The following BTRC variants were observed in gnomAD, a reference collection of about 807,000 sequenced individuals.
BTRC encodes F-box/WD repeat-containing protein 1A.
BTRC carries 42 observed loss-of-function variants against 85.5 expected under a neutral mutation model. That is an observed-to-expected ratio of 0.49 (90% CI 0.38 to 0.64). BTRC has a LOEUF of 0.64. BTRC is among the 30% of genes least tolerant of loss of function. The probability of loss-of-function intolerance (pLI) is 0.00; values close to 1 mark genes in which losing one functional copy is unlikely to be tolerated. For synonymous variants in BTRC, 255 were observed against 263.3 expected (o/e 0.97, Z 0.30); for missense variants, 594 against 743.5 (o/e 0.80, Z 2.34).
chr10:101,437,232 G>A (rs914021493), intron 2 of BTRC, among the ~76,000 whole-genome samples: 2 of 152,108 alleles, frequency 1.3e-5, no homozygotes, highest in Admixed American at 6.5e-5. Flanking sequence ...TTGTTTGTTT[G>A]TGCAGAAATG....
Position 101,531,342 on chromosome 10 carries a change from C to A in BTRC, c.840+9C>A, listed in dbSNP as rs1023233452. Reference sequence around the variant, plus strand: ...TTATACAAGACATTGAGGTAAGAATCTATGTATTTTGGGGTATTGCCCAAG... The same window carrying A: ...TTATACAAGACATTGAGGTAAGAATATATGTATTTTGGGGTATTGCCCAAG... On this transcript the variant is annotated intron_variant, in intron 7 of 14. Transcript: ENST00000370187. 2 of 1,574,994 alleles carry A rather than the reference C, an allele frequency of 1.3e-6. No individual in the cohort carries two copies. The highest frequency in any genetic ancestry group is 1.4e-5 in the African/African-American group (1 of 73,844).
At chr10:101,492,698 T>C (rs776593953) in intron 4 of BTRC, among the ~76,000 whole-genome samples, 1 of 152,210 alleles carries the variant, frequency 6.6e-6, no homozygotes, top group Non-Finnish European at 1.5e-5. Flanking sequence ...CAAGGTAGTT[T>C]CTGAAATGTA....
chr10:101,405,268 A>G (rs796422034), intron 1 of BTRC, among the ~76,000 whole-genome samples: 53 of 152,198 alleles, frequency 3.5e-4, no homozygotes, highest in African/African-American at 1.2e-3. Context: ...AAAAAAAGCA[A>G]TGAGGTTTTG....
In BTRC at chr10:101,494,942, A is replaced by G. The variant is rs556351616; in HGVS notation, c.324+15485A>G. ...TCAATGTTTTAAAGTGTCAGTGGTA[A>G]AGGGAGTTTACAAGCATAGGAAGAG... On this transcript the variant is annotated intron_variant, in intron 4 of 14. Coordinates refer to ENST00000370187, the MANE Select transcript of BTRC (RefSeq NM_033637.4). 8.5e-5 allele frequency among the ~76,000 whole-genome samples: 13 copies of G among 152,286 alleles called. No individual in the cohort carries two copies. In the South Asian group the frequency reaches 2.7e-3, roughly 32 times the overall value.
chr10:101,549,292 G>C (rs190468319), intron 13 of BTRC, among the ~76,000 whole-genome samples: 1 of 150,270 alleles, frequency 6.7e-6, no homozygotes, highest in African/African-American at 2.4e-5. Context: ...AAAGCCAGGT[G>C]TGGTGGCATG....
chr10:101,422,770 G>A (rs1944139482), intron 1 of BTRC, among the ~76,000 whole-genome samples: 1 of 152,172 alleles, frequency 6.6e-6, no homozygotes, highest in Non-Finnish European at 1.5e-5. Context: ...TCAAAGATCA[G>A]ATAGTTGTAG....
intron 1 of BTRC, among the ~76,000 whole-genome samples, chr10:101,389,894 A>C (rs1365624273): frequency 1.3e-5 from 2 of 152,092 alleles, no homozygotes; most frequent in Non-Finnish European, 1.5e-5. Context: ...CAAAGTGTTG[A>C]GATTATAGGT....
chr10:101,527,795 TACACACACACAC>T (rs5787437), intron 6 of BTRC, among the ~76,000 whole-genome samples: 9 of 145,326 alleles, frequency 6.2e-5, no homozygotes, highest in Admixed American at 5.5e-4. Context: ...CTCTCTCACA[TACACACACACAC>T]ACACACACAC....
At chr10:101,465,171 T>C (rs1291677516) in intron 3 of BTRC, among the ~76,000 whole-genome samples, 3 of 152,230 alleles carry the variant, frequency 2.0e-5, no homozygotes, top group Non-Finnish European at 2.9e-5. Context: ...GGCCGCCTTA[T>C]ACCTAGTATT....
intron 1 of BTRC, among the ~76,000 whole-genome samples, chr10:101,400,418 A>G (rs893279115): frequency 7.8e-6 from 1 of 128,292 alleles, no homozygotes; most frequent in Non-Finnish European, 1.9e-5. Flanking sequence ...ACTGCTGAGT[A>G]TCGGGATCCT....
chr10:101,438,221 T>C, intron 2 of BTRC, among the ~76,000 whole-genome samples: 1 of 151,786 alleles, frequency 6.6e-6, no homozygotes, highest in Non-Finnish European at 1.5e-5. Context: ...AGTCAGGAGA[T>C]TGAGACCATC....
chr10:101,373,345 C>T (rs576244260), intron 1 of BTRC, among the ~76,000 whole-genome samples: 28 of 152,162 alleles, frequency 1.8e-4, no homozygotes, highest in African/African-American at 6.7e-4. Flanking sequence ...TAATAGTCTA[C>T]GCAAGAGACT....
chr10:101,497,350 C>T (rs990977441), intron 4 of BTRC, among the ~76,000 whole-genome samples: 7 of 152,146 alleles, frequency 4.6e-5, no homozygotes, highest in African/African-American at 1.4e-4. Flanking sequence ...GTGTGATCCA[C>T]GCCTTGTGTA....
intron 3 of BTRC, among the ~76,000 whole-genome samples, chr10:101,473,488 T>G (rs1358314239): frequency 1.4e-5 from 2 of 147,138 alleles, no homozygotes; most frequent in Non-Finnish European, 3.0e-5. Context: ...TTTTTTTTTT[T>G]GAGACAGAAT....
chr10:101,438,165 G>A (rs556249037), intron 2 of BTRC, among the ~76,000 whole-genome samples: 3 of 152,144 alleles, frequency 2.0e-5, no homozygotes, highest in African/African-American at 4.8e-5. Context: ...GTCTTCTCAC[G>A]TCTGTAATCC....
intron 5 of BTRC, among the ~76,000 whole-genome samples, chr10:101,523,295 A>G (rs752833065): frequency 1.3e-5 from 2 of 152,224 alleles, no homozygotes; most frequent in Non-Finnish European, 2.9e-5. Context: ...AGGATATCTC[A>G]TAAGCCTTGT....
chr10:101,473,722 C>T (rs939290503), intron 3 of BTRC, among the ~76,000 whole-genome samples: 2 of 151,818 alleles, frequency 1.3e-5, no homozygotes, highest in Non-Finnish European at 2.9e-5. Context: ...CTGCCCGCCT[C>T]GGCCTCCAAA....
At chr10:101,541,603 C>G (rs529521452) in intron 13 of BTRC, among the ~76,000 whole-genome samples, 1 of 152,192 alleles carries the variant, frequency 6.6e-6, no homozygotes, top group Admixed American at 6.5e-5. Context: ...TTAGGCAGTT[C>G]CCTTCTGTTC....
intron 11 of BTRC, 129 bp from the exon 12 acceptor site, chr10:101,536,414 C>T (rs1379173291): frequency 1.3e-5 from 8 of 636,460 alleles, no homozygotes; most frequent in Non-Finnish European, 2.3e-5. Flanking sequence ...GAAAGCAGTA[C>T]ATATCTGTGT....
Sources: allele counts gnomAD v4.1 joint callset (sites outside exome capture counted in the v4.1 genomes callset), GRCh38; gene constraint gnomAD v4.1.1; transcripts MANE v1.5; gene names NCBI Gene and HGNC (gene_info 2026-07-23, HGNC 2026-07-21).